Variants in CES5A observed in about 807,000 individuals in gnomAD.
CES5A encodes carboxylesterase 5.
In CES5A, 67 loss-of-function variants were observed where a neutral mutation model predicts 62.9. That is an observed-to-expected ratio of 1.07 (90% CI 0.88 to 1.31). CES5A has a LOEUF of 1.31. CES5A is among the 50% of genes most tolerant of loss of function. The pLI is 0.00. For synonymous variants in CES5A, 296 were observed against 280.8 expected (o/e 1.05, Z -0.54); for missense variants, 748 against 708.5 (o/e 1.06, Z -0.63).
chr16:55,923,770 A>G (rs953862906), intron 1 of CES5A, among the ~76,000 whole-genome samples: 18 of 152,018 alleles, frequency 1.2e-4, no homozygotes, highest in African/African-American at 4.3e-4. Flanking sequence ...CCTCAACAAA[A>G]TACTAGCACA....
At chr16:55,949,742 A>G in intron 2 of CES5A, 1 of 932,660 alleles carries the variant, frequency 1.1e-6, no homozygotes, top group East Asian at 2.9e-5. Flanking sequence ...GCCAGACTCA[A>G]GGGGCAGACC....
chr16:55,888,239 A>T (rs2033837533), intron 1 of CES5A, among the ~76,000 whole-genome samples: 1 of 152,100 alleles, frequency 6.6e-6, no homozygotes, highest in Admixed American at 6.6e-5. Flanking sequence ...GTACCATGGG[A>T]GTACAGATTC....
intron 1 of CES5A, among the ~76,000 whole-genome samples, chr16:55,904,709 G>A (rs190868523): frequency 2.2e-3 from 328 of 152,304 alleles, no homozygotes; most frequent in Admixed American, 4.1e-3. Context: ...TTTACCTATA[G>A]TAGCACAGCT....
chr16:55,876,085 A>C (rs1310199693), upstream of CES5A, among the ~76,000 whole-genome samples: 1 of 152,134 alleles, frequency 6.6e-6, no homozygotes, highest in Non-Finnish European at 1.5e-5. Context: ...ATTTTCTAAC[A>C]AATTGTAGCC....
chr16:55,886,393 C>A (rs534210277), intron 1 of CES5A, among the ~76,000 whole-genome samples: 1 of 152,290 alleles, frequency 6.6e-6, no homozygotes, highest in South Asian at 2.1e-4. Context: ...GGGAGTGGGA[C>A]AGTGTGTAGA....
chr16:55,908,056 T>C (rs2034056046), intron 1 of CES5A, among the ~76,000 whole-genome samples: 1 of 152,114 alleles, frequency 6.6e-6, no homozygotes, highest in South Asian at 2.1e-4. Context: ...TGCTCTGACT[T>C]ACTATTCTCT....
chr16:55,875,284 T>A lies in CES5A; in HGVS notation c.-63A>T. 6.3e-7 allele frequency: 1 copy of A among 1,585,156 alleles called. No homozygotes were observed. Among genetic ancestry groups the A allele is most frequent in the Non-Finnish European group, 8.6e-7 (1 of 1,167,340 alleles). On this transcript the variant is annotated 5_prime_UTR_variant, in exon 1 of 13. Coordinates refer to ENST00000290567, the MANE Select transcript of CES5A (RefSeq NM_001143685.2). ...GCTGCTGGCCTCAGAGAGCTTCAGT[T>A]GGGAGCCAGAAAGAGCTTCCTGTTA...
At chr16:55,861,631 C>G (rs1567328002) in intron 6 of CES5A, 115 bp from the exon 7 acceptor site, 2 of 730,198 alleles carry the variant, frequency 2.7e-6, no homozygotes, top group Non-Finnish European at 4.9e-6. Context: ...ATGAGTCCAT[C>G]CTGCTAACAC....
chr16:55,936,745 G>T (rs1430966435), intron 2 of CES5A, among the ~76,000 whole-genome samples: 1 of 152,184 alleles, frequency 6.6e-6, no homozygotes, highest in Non-Finnish European at 1.5e-5. Context: ...TTTATTTTAG[G>T]TGACAGGGGT....
At chr16:55,908,104 C>T (rs75966374) in intron 1 of CES5A, among the ~76,000 whole-genome samples, 2,185 of 152,238 alleles carry the variant, frequency 0.014, 27 homozygotes, top group South Asian at 0.022. Context: ...CTCCTCCTTC[C>T]CCTGCCCTGT....
rs912944686 is a variant in CES5A at position 55,875,311 on chromosome 16, C to G, written c.-90G>C. On this transcript the variant is annotated 5_prime_UTR_variant, in exon 1 of 13. Coordinates refer to ENST00000290567, the MANE Select transcript of CES5A (RefSeq NM_001143685.2). ...GGAGCCAGAAAGAGCTTCCTGTTAA[C>G]AGGCAAATGCTGAATAGGCAGGCAG... The G allele has an allele frequency of 5.1e-6, 8 of 1,559,444 alleles. No individual in the cohort carries two copies. Among genetic ancestry groups the G allele is most frequent in the Non-Finnish European group, 6.9e-6 (8 of 1,156,514 alleles).
chr16:55,898,181 C>T (rs1567345742), intron 1 of CES5A, among the ~76,000 whole-genome samples: 1 of 152,084 alleles, frequency 6.6e-6, no homozygotes, highest in Non-Finnish European at 1.5e-5. Context: ...TGTGTGCTTT[C>T]CTATATGCAT....
At chr16:55,883,792 C>T (rs2033786152) in intron 1 of CES5A, among the ~76,000 whole-genome samples, 1 of 152,196 alleles carries the variant, frequency 6.6e-6, no homozygotes, top group South Asian at 2.1e-4. Context: ...CCTGGGAATC[C>T]TTGGAGGATT....
intron 1 of CES5A, among the ~76,000 whole-genome samples, chr16:55,904,942 C>T (rs777390401): frequency 6.6e-6 from 1 of 152,168 alleles, no homozygotes; most frequent in East Asian, 1.9e-4. Context: ...ATGCCCAACT[C>T]CTAGTGCTAT....
intron 7 of CES5A, among the ~76,000 whole-genome samples, chr16:55,861,166 C>T (rs1441664568): frequency 2.0e-5 from 3 of 152,188 alleles, no homozygotes; most frequent in African/African-American, 7.2e-5. Flanking sequence ...CTTTCAGGGA[C>T]TTAGAGACAA....
rs1555479320 is a variant in CES5A at position 55,854,527 on chromosome 16, G to GTTTCTTTTTGTTTTC, written c.1126-1500_1126-1499insGAAAACAAAAAGAAA. On this transcript the variant is annotated intron_variant, in intron 9 of 12. Transcript: ENST00000290567. ...GGCCTGAGGGATATCTGCCTGTAGT[G>GTTTCTTTTTGTTTTC]TTTCTTTTTTTTTTTTCTTTTTTTT... 9.5e-4 allele frequency among the ~76,000 whole-genome samples: 111 copies of GTTTCTTTTTGTTTTC among 116,694 alleles called. 1 individual carries two copies. The highest frequency in any genetic ancestry group is 1.5e-3 in the Non-Finnish European group (92 of 59,910). 76.6% of individuals were successfully genotyped at this position (116,694 alleles called of 152,430 possible).
intron 1 of CES5A, among the ~76,000 whole-genome samples, chr16:55,886,841 CATGGGATCCTATGTA>C (rs1338468104): frequency 1.3e-5 from 2 of 152,044 alleles, no homozygotes; most frequent in African/African-American, 4.8e-5. Context: ...TAATCTGTAT[CATGGGATCCTATGTA>C]ATCCCATGAT....
At chr16:55,951,346 A>G (rs990201315) in intron 1 of CES5A, among the ~76,000 whole-genome samples, 9 of 152,042 alleles carry the variant, frequency 5.9e-5, no homozygotes, top group African/African-American at 2.2e-4. Flanking sequence ...AGTTTTTAAT[A>G]TTTTTTGCTG....
chr16:55,857,620 G>A (rs1228051798), intron 8 of CES5A, among the ~76,000 whole-genome samples: 1 of 152,142 alleles, frequency 6.6e-6, no homozygotes, highest in African/African-American at 2.4e-5. Context: ...TTGTTTCTTG[G>A]GGATTTCCTG....
Sources: gnomAD v4.1 joint callset for allele counts (sites outside exome capture counted in the v4.1 genomes callset) on GRCh38, gnomAD v4.1.1 for gene constraint, MANE v1.5 for transcripts, NCBI Gene and HGNC (gene_info 2026-07-23, HGNC 2026-07-21) for gene names.